The following NPSR1 variants were observed in gnomAD, a reference collection of about 807,000 sequenced individuals.
The protein encoded by NPSR1 is neuropeptide S receptor 1.
NPSR1 carries 48 observed loss-of-function variants against 46.9 expected under a neutral mutation model. The ratio of observed to expected loss-of-function variants is 1.02; its 90% CI spans 0.81 to 1.30. The LOEUF is 1.30. NPSR1 is among the 50% of genes most tolerant of loss of function. NPSR1 has a pLI of 0.00. For synonymous variants in NPSR1, 176 were observed against 168.1 expected, an observed-to-expected ratio of 1.05 and a Z score of -0.36; for missense variants, 450 against 449.5, an observed-to-expected ratio of 1.00 and a Z score of -0.01.
intron 1 of NPSR1, among the ~76,000 whole-genome samples, chr7:34,671,780 C>G (rs1792073526): frequency 6.6e-6 from 1 of 152,168 alleles, no homozygotes; most frequent in South Asian, 2.1e-4. Context: ...AATCCATTCC[C>G]TGGTCCTTAC....
chr7:34,874,669 C>T (rs946751682), intron 8 of NPSR1, among the ~76,000 whole-genome samples: 4 of 152,184 alleles, frequency 2.6e-5, no homozygotes, highest in Non-Finnish European at 5.9e-5. Flanking sequence ...GTAACATCCT[C>T]TGAGGACCCT....
At chr7:34,733,077 G>A (rs1317470308) in intron 2 of NPSR1, among the ~76,000 whole-genome samples, 1 of 152,138 alleles carries the variant, frequency 6.6e-6, no homozygotes, top group African/African-American at 2.4e-5. Context: ...TTAGACAAAT[G>A]AATGATGAAA....
chr7:34,762,070 C>T (rs1427892868), intron 2 of NPSR1, among the ~76,000 whole-genome samples: 1 of 152,136 alleles, frequency 6.6e-6, no homozygotes, highest in Non-Finnish European at 1.5e-5. Flanking sequence ...GTAAGTTTTA[C>T]GAGGACTTGG....
At chr7:34,815,587 C>T (rs910155169) in intron 4 of NPSR1, among the ~76,000 whole-genome samples, 8 of 152,052 alleles carry the variant, frequency 5.3e-5, no homozygotes, top group African/African-American at 1.7e-4. Context: ...AGATACTCCT[C>T]GAGAATAGCA....
intron 2 of NPSR1, among the ~76,000 whole-genome samples, chr7:34,709,124 T>C (rs1794257453): frequency 6.6e-6 from 1 of 152,150 alleles, no homozygotes; most frequent in African/African-American, 2.4e-5. Flanking sequence ...TGAGAGTAAC[T>C]AAGTATCTGT....
chr7:34,746,775 T>C (rs1371943175), intron 2 of NPSR1, among the ~76,000 whole-genome samples: 1 of 152,166 alleles, frequency 6.6e-6, no homozygotes, highest in Admixed American at 6.5e-5. Context: ...GCTACCTGGA[T>C]CCAAGAATGG....
At chr7:34,663,612 G>A (rs1306460664) in intron 1 of NPSR1, among the ~76,000 whole-genome samples, 3 of 152,128 alleles carry the variant, frequency 2.0e-5, no homozygotes, top group Non-Finnish European at 4.4e-5. Context: ...CTTGGAGGGG[G>A]GCAATCCAAT....
chr7:34,726,965 C>T (rs1479392984), intron 2 of NPSR1, among the ~76,000 whole-genome samples: 1 of 151,782 alleles, frequency 6.6e-6, no homozygotes, highest in African/African-American at 2.4e-5. Context: ...TTGTCTAAAC[C>T]CATAGGATGT....
At chr7:34,791,816 A>G (rs890941165) in intron 3 of NPSR1, among the ~76,000 whole-genome samples, 1 of 152,170 alleles carries the variant, frequency 6.6e-6, no homozygotes, top group Non-Finnish European at 1.5e-5. Flanking sequence ...AAGCTACAGT[A>G]ATCGAAACAG....
intron 2 of NPSR1, among the ~76,000 whole-genome samples, chr7:34,745,200 T>C (rs1384307864): frequency 6.6e-6 from 1 of 152,200 alleles, no homozygotes; most frequent in Non-Finnish European, 1.5e-5. Flanking sequence ...CTTTATTATC[T>C]TCTTCTGGAA....
chr7:34,841,417 G>A (rs1790561928), intron 6 of NPSR1, among the ~76,000 whole-genome samples: 1 of 152,336 alleles, frequency 6.6e-6, no homozygotes, highest in South Asian at 2.1e-4. Flanking sequence ...GGGATATACT[G>A]TGGAACTAAA....
At chr7:34,746,418 C>A (rs1212828078) in intron 2 of NPSR1, among the ~76,000 whole-genome samples, 1 of 152,062 alleles carries the variant, frequency 6.6e-6, no homozygotes, top group Non-Finnish European at 1.5e-5. Context: ...TTGTTCATTT[C>A]TTTATGTGCC....
chr7:34,748,539 G>A (rs1785336450), intron 2 of NPSR1, among the ~76,000 whole-genome samples: 1 of 152,240 alleles, frequency 6.6e-6, no homozygotes, highest in Admixed American at 6.5e-5. Context: ...AGCCCATTCT[G>A]TTCCTCTCTG....
intron 2 of NPSR1, among the ~76,000 whole-genome samples, chr7:34,733,157 C>T (rs1784506504): frequency 6.6e-6 from 1 of 152,198 alleles, no homozygotes; most frequent in Non-Finnish European, 1.5e-5. Context: ...TGCAGTGGCT[C>T]ATGCCTGTAA....
At chr7:34,769,254 T>C (rs774575831) in intron 2 of NPSR1, among the ~76,000 whole-genome samples, 1 of 152,208 alleles carries the variant, frequency 6.6e-6, no homozygotes, top group Non-Finnish European at 1.5e-5. Context: ...GGCTTCACAA[T>C]GTACATCCTC....
intron 3 of NPSR1, among the ~76,000 whole-genome samples, chr7:34,806,731 A>C (rs1296560855): frequency 2.0e-5 from 3 of 152,124 alleles, no homozygotes; most frequent in African/African-American, 7.2e-5. Flanking sequence ...TGACAAGGAA[A>C]AGTATATAGA....
intron 8 of NPSR1, among the ~76,000 whole-genome samples, chr7:34,868,430 G>C (rs1436239713): frequency 6.6e-6 from 1 of 151,656 alleles, no homozygotes; most frequent in African/African-American, 2.4e-5. Context: ...GACCAAGAAA[G>C]ATTGAGGGTC....
chr7:34,844,822 T>C, intron 6 of NPSR1, 74 bp from the exon 7 acceptor site: 2 of 940,634 alleles, frequency 2.1e-6, no homozygotes, highest in Non-Finnish European at 3.5e-6. Flanking sequence ...TAACCTTTAA[T>C]GTTCCTATTG....
At chr7:34,788,570 G>A (rs1297106797) in intron 3 of NPSR1, among the ~76,000 whole-genome samples, 1 of 151,874 alleles carries the variant, frequency 6.6e-6, no homozygotes. Context: ...GGGCAAATAA[G>A]GTCATTGCAT....
Sources: gnomAD v4.1 joint callset for allele counts (sites outside exome capture counted in the v4.1 genomes callset) on GRCh38, gnomAD v4.1.1 for gene constraint, MANE v1.5 for transcripts, NCBI Gene and HGNC (gene_info 2026-07-23, HGNC 2026-07-21) for gene names.